QTGAL: variants seen among roughly 807,000 people sequenced by gnomAD.
QTGAL encodes the protein BGnT-like protein 1.
At chr17:82,961,529 T>C in the QTGAL span, among the ~76,000 whole-genome samples, 1 of 152,190 alleles carries the variant, frequency 6.6e-6, no homozygotes, top group Non-Finnish European at 1.5e-5. Context: ...GGCTCCTGGA[T>C]GGCTGGTCCG....
chr17:83,048,623 T>C, the QTGAL span: 9 of 1,605,318 alleles, frequency 5.6e-6, no homozygotes, highest in African/African-American at 8.0e-5. Flanking sequence ...CAGTCAACCG[T>C]TGCTTACACT....
At chr17:82,991,528 C>T in the QTGAL span, among the ~76,000 whole-genome samples, 2 of 152,210 alleles carry the variant, frequency 1.3e-5, no homozygotes, top group African/African-American at 2.4e-5. Context: ...AATGCAGATG[C>T]AGCTTAGATC....
At chr17:82,949,518 T>G in the QTGAL span, 1 of 152,134 alleles carries the variant, frequency 6.6e-6, no homozygotes, top group African/African-American at 2.4e-5. Flanking sequence ...CCAAACGGAA[T>G]TGCAGGGGAG....
the QTGAL span, among the ~76,000 whole-genome samples, chr17:83,034,521 C>A: frequency 6.8e-6 from 1 of 148,074 alleles, no homozygotes; most frequent in Non-Finnish European, 1.5e-5. Flanking sequence ...GAATTAATAA[C>A]TGATAAGGTT....
the QTGAL span, chr17:83,051,768 GA>G: frequency 6.7e-7 from 1 of 1,496,608 alleles, no homozygotes; most frequent in South Asian, 1.3e-5. Flanking sequence ...GCTCTCCTCG[GA>G]CGCCCCGCCC....
chr17:82,963,556 A>C, the QTGAL span, among the ~76,000 whole-genome samples: 1 of 152,194 alleles, frequency 6.6e-6, no homozygotes, highest in African/African-American at 2.4e-5. Context: ...TAAATAACCC[A>C]CCAAGATAAA....
At chr17:82,965,673 C>A in the QTGAL span, 1 of 1,611,028 alleles carries the variant, frequency 6.2e-7, no homozygotes, top group South Asian at 1.1e-5. Context: ...GTTAAAGGGG[C>A]CCACGTGGGA....
At chr17:83,018,287 G>A in the QTGAL span, among the ~76,000 whole-genome samples, 2 of 149,652 alleles carry the variant, frequency 1.3e-5, no homozygotes, top group Non-Finnish European at 1.5e-5. Context: ...CCACAAACAC[G>A]GTGCGCCTGC....
chr17:82,961,345 C>A, the QTGAL span: 4 of 940,468 alleles, frequency 4.3e-6, no homozygotes, highest in South Asian at 6.6e-5. Flanking sequence ...GGGGCGGCGA[C>A]CACAACAGAC....
At chr17:82,983,515 C>T in the QTGAL span, among the ~76,000 whole-genome samples, 1 of 152,184 alleles carries the variant, frequency 6.6e-6, no homozygotes, top group Admixed American at 6.5e-5. Flanking sequence ...CCCAGCCCCA[C>T]ACAGAACCAT....
chr17:83,031,102 G>A, the QTGAL span, among the ~76,000 whole-genome samples: 1 of 152,234 alleles, frequency 6.6e-6, no homozygotes, highest in Non-Finnish European at 1.5e-5. Flanking sequence ...CAGGCTTCTT[G>A]TTTACTTTGT....
chr17:83,028,053 G>C, the QTGAL span, among the ~76,000 whole-genome samples: 1 of 152,134 alleles, frequency 6.6e-6, no homozygotes. Flanking sequence ...GGTGGTTGCA[G>C]TGAGCCAAGA....
At chr17:82,970,886 T>TG in the QTGAL span, among the ~76,000 whole-genome samples, 1 of 152,128 alleles carries the variant, frequency 6.6e-6, no homozygotes, top group African/African-American at 2.4e-5. Context: ...CAGCTGCCTT[T>TG]GCGGGGGGCC....
At chr17:82,961,387 A>T in the QTGAL span, 2 of 321,488 alleles carry the variant, frequency 6.2e-6, no homozygotes, top group Non-Finnish European at 1.2e-5. Context: ...CAGGCGGGAA[A>T]GAGGGGAAGG....
the QTGAL span, among the ~76,000 whole-genome samples, chr17:82,972,676 CCGG>C: frequency 7.7e-6 from 1 of 129,390 alleles, no homozygotes; most frequent in African/African-American, 3.4e-5. Flanking sequence ...CCAGAAGGAC[CCGG>C]TACTGACCAC....
chr17:82,997,254 AAAG>A, the QTGAL span, among the ~76,000 whole-genome samples: 1 of 152,258 alleles, frequency 6.6e-6, no homozygotes, highest in Admixed American at 6.5e-5. Context: ...ACACTTCTCA[AAAG>A]AAGACAAATA....
At chr17:82,993,693 G>A in the QTGAL span, among the ~76,000 whole-genome samples, 16 of 151,572 alleles carry the variant, frequency 1.1e-4, no homozygotes, top group South Asian at 4.2e-4. Context: ...ATTCTTTTCC[G>A]CAGCACATGG....
chr17:82,983,711 C>T, the QTGAL span, among the ~76,000 whole-genome samples: 1 of 152,216 alleles, frequency 6.6e-6, no homozygotes, highest in African/African-American at 2.4e-5. Context: ...GTTATGCAGC[C>T]CTAGAGCGGG....
chr17:83,002,862 G>A, the QTGAL span, among the ~76,000 whole-genome samples: 1,154 of 83,012 alleles, frequency 0.014, 8 homozygotes, highest in African/African-American at 0.057. Flanking sequence ...TCTGCAGTCC[G>A]CGTGTGGGAT....
Sources: gnomAD v4.1 joint callset for allele counts (sites outside exome capture counted in the v4.1 genomes callset) on GRCh38, gnomAD v4.1.1 for gene constraint, MANE v1.5 for transcripts, NCBI Gene and HGNC (gene_info 2026-07-23, HGNC 2026-07-21) for gene names.